ABCA6: variants seen among roughly 807,000 people sequenced by gnomAD.
The protein encoded by ABCA6 is ATP binding cassette subfamily A member 6, also known as ATP-binding cassette sub-family A member 6.
ABCA6 carries 164 observed loss-of-function variants against 191.2 expected under a neutral mutation model. The observed-to-expected ratio is 0.86, with a 90% CI of 0.76 to 0.98. The LOEUF (loss-of-function observed/expected upper bound fraction) is 0.98. Among genes scored for constraint, ABCA6 ranks in the 50% least tolerant of loss-of-function variants. The pLI, the probability that ABCA6 is intolerant of heterozygous loss-of-function variation, is 0.00. For missense variants in ABCA6, 1,958 were observed against 1,894.1 expected (o/e 1.03, Z -0.63); for synonymous variants, 636 against 647.7 (o/e 0.98, Z 0.27).
chr17:69,085,813 C>A (rs1237625585), intron 30 of ABCA6, 97 bp from the exon 31 acceptor site: 3 of 774,946 alleles, frequency 3.9e-6, no homozygotes, highest in Non-Finnish European at 6.6e-6. Context: ...CTGCACCCTT[C>A]AGTTAGTACC....
intron 6 of ABCA6, among the ~76,000 whole-genome samples, chr17:69,132,873 A>AGTGT (rs35431740): frequency 1.3e-5 from 2 of 151,608 alleles, no homozygotes; most frequent in Admixed American, 6.6e-5. Flanking sequence ...TACATACATG[A>AGTGT]GTGTGTGTGT....
intron 8 of ABCA6, 60 bp downstream of exon 8, chr17:69,128,559 C>T (rs1030357001): frequency 2.1e-5 from 28 of 1,352,346 alleles, no homozygotes; most frequent in African/African-American, 5.9e-5. Context: ...GATCCTACAG[C>T]GTATGAAGTA....
intron 37 of ABCA6, among the ~76,000 whole-genome samples, chr17:69,079,898 G>A: frequency 6.6e-6 from 1 of 152,178 alleles, no homozygotes; most frequent in East Asian, 1.9e-4. Flanking sequence ...GATGATAGTG[G>A]CTTTAAAGAA....
Position 69,127,649 on chromosome 17 carries a change from G to A in ABCA6, c.1119+970C>T, listed in dbSNP as rs142586454. On this transcript the variant is annotated intron_variant, in intron 8 of 38. Transcript: ENST00000284425. ...ATCCTGGTGAAGTGTTAGAAAAACT[G>A]GAATTCTGAAACACTGTTGATGTAA... 4.4e-3 allele frequency among the ~76,000 whole-genome samples: 668 copies of A among 152,160 alleles called. 4 individuals are homozygous for A. Among genetic ancestry groups the A allele is most frequent in the African/African-American group, 0.015 (631 of 41,532 alleles).
At chr17:69,120,436 A>G (rs2073619574) in intron 10 of ABCA6, among the ~76,000 whole-genome samples, 1 of 152,052 alleles carries the variant, frequency 6.6e-6, no homozygotes, top group Non-Finnish European at 1.5e-5. Context: ...TAATATCTCT[A>G]TCCCTACATT....
intron 5 of ABCA6, 147 bp downstream of exon 5, chr17:69,134,492 A>G: frequency 3.2e-6 from 2 of 632,114 alleles, no homozygotes; most frequent in South Asian, 4.0e-5. Flanking sequence ...CTCCAGAAAT[A>G]AATTTCTGTC....
Position 69,083,220 on chromosome 17 carries a change from T to G in ABCA6, c.4467A>C (p.Gly1489=). 1 of 1,599,124 alleles carries G rather than the reference T, an allele frequency of 6.3e-7. No individual in the cohort carries two copies. Among genetic ancestry groups the G allele is most frequent in the Non-Finnish European group, 8.5e-7 (1 of 1,175,414 alleles). ...TTCGGAGAGACACCCACCTAAGCCTTCCAGACACCATGATGGCCACACGGT... is the reference window on the plus strand; with the variant it reads ...TTCGGAGAGACACCCACCTAAGCCTGCCAGACACCATGATGGCCACACGGT... ...LCDRVAIMVS[G]RLRCIGSIQH... The change falls in exon 35 of 39, where the codon GGA becomes GGC. Residue 1489 remains glycine (G), a synonymous_variant. Coordinates refer to ENST00000284425, the MANE Select transcript of ABCA6 (RefSeq NM_080284.3).
At chr17:69,101,997 T>TAA in intron 21 of ABCA6, among the ~76,000 whole-genome samples, 1 of 152,358 alleles carries the variant, frequency 6.6e-6, no homozygotes, top group South Asian at 2.1e-4. Flanking sequence ...TTCACTTAAT[T>TAA]AGGCCCCTTG....
rs368415700 is a variant in ABCA6, at chr17:69,100,820, T to C, written c.2989A>G (p.Ile997Val). Residue 997 changes from isoleucine (I) to valine (V), a missense_variant, in exon 22 of 39, where the codon ATT (isoleucine) becomes GTT (valine). Physicochemically the swap from Ile to Val is conservative, Grantham distance 29. Coordinates refer to ENST00000284425, the MANE Select transcript of ABCA6 (RefSeq NM_080284.3). Reference sequence around the variant, plus strand: ...ACAAGAGGAAATGGGCTTGACTCAATTCGAATATGTTGTGTGTGATTAAAC... The same window carrying C: ...ACAAGAGGAAATGGGCTTGACTCAACTCGAATATGTTGTGTGTGATTAAAC... ...QMFNHTQHIR[I>V]ESSPFPLSHI... 1 of 1,610,806 alleles carries C rather than the reference T, an allele frequency of 6.2e-7. No individual in the cohort carries two copies. The highest frequency in any genetic ancestry group is 8.5e-7 in the Non-Finnish European group (1 of 1,178,872).
At position 69,086,612 on chromosome 17, in the gene ABCA6, A is replaced by G. The variant is rs1163402917; in HGVS notation, c.3937+6T>C. 6.3e-7 allele frequency: 1 copy of G among 1,593,900 alleles called. No homozygotes were observed. The highest frequency in any genetic ancestry group is 8.6e-7 in the Non-Finnish European group (1 of 1,163,148). On this transcript the variant is annotated splice_donor_region_variant and intron_variant, in intron 30 of 38. Transcript: ENST00000284425. Reference sequence around the variant, plus strand: ...ATGGTAAGTTTTAAAAGGGATTATTACAGACCTTCTTGAACACAGAAAGAG... The same window carrying G: ...ATGGTAAGTTTTAAAAGGGATTATTGCAGACCTTCTTGAACACAGAAAGAG...
chr17:69,091,227 A>T lies in ABCA6; in HGVS notation c.3444T>A (p.Asn1148Lys). 6.2e-7 allele frequency: 1 copy of T among 1,612,096 alleles called. No individual in the cohort carries two copies. Among genetic ancestry groups the T allele is most frequent in the Non-Finnish European group, 8.5e-7 (1 of 1,179,512 alleles). ...STIMFSITLINHFDLSILITT... is the reference protein window; with the variant it reads ...STIMFSITLIKHFDLSILITT... ...TAATCAATATACTTAGGTCAAAATG[A>T]TTGATTAAAGTGATGGAAAACATGA... Residue 1148 changes from asparagine (N) to lysine (K), a missense_variant, in exon 26 of 39, where the codon AAT becomes AAA. By Grantham distance (94) the Asn-to-Lys change is moderately conservative. Transcript: ENST00000284425.
intron 7 of ABCA6, among the ~76,000 whole-genome samples, chr17:69,129,124 G>A (rs2073812089): frequency 6.6e-6 from 1 of 152,084 alleles, no homozygotes; most frequent in South Asian, 2.1e-4. Flanking sequence ...GTAAGAAGGA[G>A]CATCTACATA....
chr17:69,093,153 G>T (rs1030150652), intron 25 of ABCA6, among the ~76,000 whole-genome samples: 1 of 152,176 alleles, frequency 6.6e-6, no homozygotes, highest in East Asian at 1.9e-4. Context: ...GTTTTTCTGA[G>T]CAAGTTACTA....
In ABCA6 at chr17:69,111,225, G is replaced by A. The variant is rs542008915; in HGVS notation, c.2133-285C>T. On this transcript the variant is annotated intron_variant, in intron 16 of 38. Coordinates refer to ENST00000284425, the MANE Select transcript of ABCA6 (RefSeq NM_080284.3). ...GTATAGTTATAGATAAATGTAGGAAGCTGAGAATGTTAGGAAGAAGAGACT... is the reference window on the plus strand; with the variant it reads ...GTATAGTTATAGATAAATGTAGGAAACTGAGAATGTTAGGAAGAAGAGACT... The A allele has an allele frequency of 3.0e-4, 58 of 194,058 alleles. No individual in the cohort carries two copies. The South Asian group carries it at 0.01, about 34-fold the overall frequency. The allele number at this position is 194,058 out of a possible 1,614,324, so 12.0% of individuals were successfully genotyped here.
At position 69,090,490 on chromosome 17, in the gene ABCA6, C is replaced by T. The variant is rs867777547; in HGVS notation, c.3528+653G>A. On this transcript the variant is annotated intron_variant, in intron 26 of 38. Transcript: ENST00000284425. Reference sequence around the variant, plus strand: ...AGCCATGTATTTAAATATAACGTCCCCAGAAGAATTGTCTGACTCGCTAGA... The same window carrying T: ...AGCCATGTATTTAAATATAACGTCCTCAGAAGAATTGTCTGACTCGCTAGA... Among the ~76,000 whole-genome samples, 4 of 152,256 alleles carry T rather than the reference C, an allele frequency of 2.6e-5. No homozygotes were observed. The Middle Eastern group carries it at 0.01, about 388-fold the overall frequency.
At chr17:69,135,003 C>T (rs2073927377) in intron 4 of ABCA6, among the ~76,000 whole-genome samples, 1 of 151,038 alleles carries the variant, frequency 6.6e-6, no homozygotes, top group Admixed American at 6.6e-5. Flanking sequence ...CTACCTCAGC[C>T]TCCCAAAGCT....
At chr17:69,117,392 G>T (rs901684094) in intron 11 of ABCA6, among the ~76,000 whole-genome samples, 1 of 151,970 alleles carries the variant, frequency 6.6e-6, no homozygotes, top group Non-Finnish European at 1.5e-5. Context: ...GTCTGTTATA[G>T]AAAACTGTAT....
Position 69,105,386 on chromosome 17 carries a change from T to TCC in ABCA6, c.2740+74_2740+75dup, listed in dbSNP as rs920437473. On this transcript the variant is annotated intron_variant, in intron 20 of 38. Coordinates refer to ENST00000284425, the MANE Select transcript of ABCA6 (RefSeq NM_080284.3). ...CCATTTTCTTCTCTTATGATTCACT[T>TCC]CCCCCCCCCACCTCCTGTGCTATTC... 7 of 1,324,008 alleles carry TCC rather than the reference T, an allele frequency of 5.3e-6. No individual in the cohort carries two copies. In the East Asian group the frequency reaches 1.7e-4, roughly 32 times the overall value. The allele number at this position is 1,324,008 out of a possible 1,614,324, so 82.0% of individuals were successfully genotyped here.
At chr17:69,128,131 A>G (rs1373719925) in intron 8 of ABCA6, among the ~76,000 whole-genome samples, 1 of 152,128 alleles carries the variant, frequency 6.6e-6, no homozygotes, top group African/African-American at 2.4e-5. Context: ...ACCTTTACGA[A>G]GGAGGAGTGT....
Sources: gnomAD v4.1 joint callset for allele counts (sites outside exome capture counted in the v4.1 genomes callset) on GRCh38, gnomAD v4.1.1 for gene constraint, MANE v1.5 for transcripts, NCBI Gene and HGNC (gene_info 2026-07-23, HGNC 2026-07-21) for gene names.